The following PLCB4 variants were observed in gnomAD, a reference collection of about 807,000 sequenced individuals.
PLCB4 encodes the protein 1-phosphatidylinositol 4,5-bisphosphate phosphodiesterase beta-4.
In PLCB4, 77 loss-of-function variants were observed where a neutral mutation model predicts 178.8. That is an observed-to-expected ratio of 0.43 (90% CI 0.36 to 0.52). The LOEUF (loss-of-function observed/expected upper bound fraction) is 0.52, where lower values mean the gene tolerates loss of function less well. PLCB4 is among the 20% of genes least tolerant of loss of function. PLCB4 has a pLI of 0.00. For synonymous variants in PLCB4, 496 were observed against 490.8 expected, an observed-to-expected ratio of 1.01 and a Z score of -0.14; for missense variants, 1,024 against 1,453.4, an observed-to-expected ratio of 0.70 and a Z score of 4.80.
intron 2 of PLCB4, among the ~76,000 whole-genome samples, chr20:9,143,070 T>C (rs1238525326): frequency 6.6e-6 from 1 of 152,118 alleles, no homozygotes; most frequent in Non-Finnish European, 1.5e-5. Flanking sequence ...GCAGGACTTG[T>C]TCCTCACCTC....
chr20:9,126,986 A>T (rs1247236389), intron 2 of PLCB4, among the ~76,000 whole-genome samples: 1 of 152,162 alleles, frequency 6.6e-6, no homozygotes. Flanking sequence ...GTCATAAGTC[A>T]CATACTTACA....
chr20:9,403,640 CA>C (rs946652080), intron 20 of PLCB4, among the ~76,000 whole-genome samples: 2 of 152,164 alleles, frequency 1.3e-5, no homozygotes, highest in African/African-American at 4.8e-5. Flanking sequence ...GGTACAGAAG[CA>C]GCTGTATTGG....
At chr20:9,171,670 A>G (rs1568888042) in intron 2 of PLCB4, among the ~76,000 whole-genome samples, 2 of 152,234 alleles carry the variant, frequency 1.3e-5, no homozygotes, top group African/African-American at 2.4e-5. Flanking sequence ...AATTCAGGTT[A>G]TAAATTTAAG....
chr20:9,092,270 ATTG>A (rs2090717072), intron 1 of PLCB4, among the ~76,000 whole-genome samples: 3 of 152,068 alleles, frequency 2.0e-5, no homozygotes, highest in Admixed American at 2.0e-4. Flanking sequence ...TCCGTTTTGC[ATTG>A]TTATCATTCT....
chr20:9,116,855 T>A (rs1183676002), intron 2 of PLCB4, among the ~76,000 whole-genome samples: 1 of 152,198 alleles, frequency 6.6e-6, no homozygotes, highest in Non-Finnish European at 1.5e-5. Context: ...TTGATTTAGG[T>A]CATTTTTAAT....
At chr20:9,365,190 T>C (rs927614888) in intron 8 of PLCB4, among the ~76,000 whole-genome samples, 6 of 152,160 alleles carry the variant, frequency 3.9e-5, no homozygotes, top group Non-Finnish European at 2.9e-5. Context: ...ACAAAAATAT[T>C]TTAGTATAAG....
chr20:9,114,194 A>G (rs2091700787), intron 2 of PLCB4, among the ~76,000 whole-genome samples: 1 of 152,142 alleles, frequency 6.6e-6, no homozygotes, highest in Non-Finnish European at 1.5e-5. Context: ...AGCCTGGGGA[A>G]CAGAGAGAGA....
At chr20:9,117,914 C>T (rs1320262385) in intron 2 of PLCB4, among the ~76,000 whole-genome samples, 3 of 152,018 alleles carry the variant, frequency 2.0e-5, no homozygotes, top group African/African-American at 7.2e-5. Flanking sequence ...TTTTCTCTTA[C>T]TTTATTTTCT....
intron 28 of PLCB4, among the ~76,000 whole-genome samples, chr20:9,435,200 G>A (rs181589083): frequency 6.6e-6 from 1 of 152,176 alleles, no homozygotes; most frequent in Non-Finnish European, 1.5e-5. Context: ...TCCAGATAAA[G>A]AAACTGAGGC....
chr20:9,197,260 A>T lies in PLCB4; in HGVS notation c.-78-20130A>T, dbSNP rs545348809. Among the ~76,000 whole-genome samples the T allele has an allele frequency of 2.6e-5, 4 of 152,314 alleles. No homozygotes were observed. In the East Asian group the frequency reaches 7.7e-4, roughly 29 times the overall value. On this transcript the variant is annotated intron_variant, in intron 2 of 39. Coordinates refer to ENST00000378473, the MANE Select transcript of PLCB4 (RefSeq NM_001377142.1). ...TCAACCCATAACTCACTGCCTACCC[A>T]TTAAGCAATTCCACAGATTCTTTCC...
rs2090634119 is a variant in PLCB4 at position 9,090,519 on chromosome 20, T to G, written c.-134-5768T>G. ...CTAACACATTTTTAGTGTGTTTTTT[T>G]TTTTTTTTCAAATGGGTATTAGATA... On this transcript the variant is annotated intron_variant, in intron 1 of 39. Coordinates refer to ENST00000378473, the MANE Select transcript of PLCB4 (RefSeq NM_001377142.1). 2.0e-5 allele frequency among the ~76,000 whole-genome samples: 3 copies of G among 151,678 alleles called. No individual in the cohort carries two copies. In the South Asian group the frequency reaches 6.2e-4, roughly 32 times the overall value.
At position 9,170,446 on chromosome 20, in the gene PLCB4, CATAA is replaced by C. The variant is rs11470515; in HGVS notation, c.-78-46940_-78-46937del. Among the ~76,000 whole-genome samples the C allele has an allele frequency of 4.2e-3, 646 of 152,210 alleles. 2 individuals carry two copies. The highest frequency in any genetic ancestry group is 0.013 in the African/African-American group (525 of 41,550). On this transcript the variant is annotated intron_variant, in intron 2 of 39. Coordinates refer to ENST00000378473, the MANE Select transcript of PLCB4 (RefSeq NM_001377142.1). ...TTTTATGAGATGGCTGGTGAGATAA[CATAA>C]ATAGAGATGCAAAGACATGGAGGTA... is the stretch of plus-strand genomic sequence containing the variant.
At chr20:9,397,267 A>G (rs1185032292) in intron 19 of PLCB4, among the ~76,000 whole-genome samples, 1 of 152,194 alleles carries the variant, frequency 6.6e-6, no homozygotes, top group Non-Finnish European at 1.5e-5. Context: ...TTTAAGTTTT[A>G]TCATGAAATT....
chr20:9,107,840 G>T (rs2091425644), intron 2 of PLCB4, among the ~76,000 whole-genome samples: 1 of 152,154 alleles, frequency 6.6e-6, no homozygotes, highest in East Asian at 1.9e-4. Context: ...GAATCAGGAG[G>T]TTATGTTCCT....
intron 2 of PLCB4, among the ~76,000 whole-genome samples, chr20:9,182,487 C>T (rs145320143): frequency 7.0e-4 from 106 of 152,208 alleles, no homozygotes; most frequent in African/African-American, 2.3e-3. Flanking sequence ...CTCAGTAACC[C>T]GGGAACCTGT....
intron 19 of PLCB4, 114 bp from the exon 20 acceptor site, chr20:9,401,376 C>G: frequency 1.5e-6 from 1 of 684,746 alleles, no homozygotes; most frequent in East Asian, 2.8e-5. Flanking sequence ...TCCCCATTTT[C>G]TTTTAGCATC....
intron 3 of PLCB4, 46 bp from the exon 4 acceptor site, chr20:9,307,753 TG>T: frequency 1.2e-6 from 1 of 831,602 alleles, no homozygotes. Flanking sequence ...CATCCTCAAT[TG>T]TTTTTTCATT....
At chr20:9,179,185 C>T (rs2093204616) in intron 2 of PLCB4, among the ~76,000 whole-genome samples, 1 of 152,048 alleles carries the variant, frequency 6.6e-6, no homozygotes, top group Admixed American at 6.6e-5. Flanking sequence ...AGATTGGTGG[C>T]TTTGAAAGGG....
chr20:9,112,139 A>T (rs942869120), intron 2 of PLCB4, among the ~76,000 whole-genome samples: 3 of 152,068 alleles, frequency 2.0e-5, no homozygotes, highest in South Asian at 4.1e-4. Context: ...ACTGTGACCA[A>T]TTTTTATTAT....
Sources: gnomAD v4.1 joint callset for allele counts (sites outside exome capture counted in the v4.1 genomes callset) on GRCh38, gnomAD v4.1.1 for gene constraint, MANE v1.5 for transcripts, NCBI Gene and HGNC (gene_info 2026-07-23, HGNC 2026-07-21) for gene names.